Variants in AHNAK observed in about 807,000 individuals in gnomAD.
AHNAK encodes the protein neuroblast differentiation-associated protein AHNAK.
A neutral mutation model predicts 37.8 loss-of-function variants in AHNAK; 23 were observed. That is an observed-to-expected ratio of 0.61 (90% CI 0.44 to 0.86). The LOEUF is 0.86. Among genes scored for constraint, AHNAK ranks in the 40% least tolerant of loss-of-function variants. AHNAK has a pLI of 0.00. For missense variants in AHNAK, 7,411 were observed against 7,319.4 expected (o/e 1.01, Z -0.46); for synonymous variants, 2,481 against 2,636.3 (o/e 0.94, Z 1.80).
intron 1 of AHNAK, chr11:62,537,535 C>T (rs1333288834): frequency 3.9e-5 from 6 of 152,172 alleles, no homozygotes; most frequent in African/African-American, 1.4e-4. Context: ...CCACCACGCC[C>T]AGCATCTACC....
At chr11:62,436,221 T>C (rs1274362116) in intron 5 of AHNAK, among the ~76,000 whole-genome samples, 5 of 152,196 alleles carry the variant, frequency 3.3e-5, no homozygotes, top group East Asian at 1.9e-4. Context: ...GGCTTCCCAA[T>C]TCATGTTTTT....
At chr11:62,465,046 C>T (rs1034154754) in intron 5 of AHNAK, among the ~76,000 whole-genome samples, 2 of 152,096 alleles carry the variant, frequency 1.3e-5, no homozygotes, top group Admixed American at 6.6e-5. Flanking sequence ...CTGTTCCTCC[C>T]GTTTCCTTTG....
intron 5 of AHNAK, among the ~76,000 whole-genome samples, chr11:62,490,824 G>A (rs1197869532): frequency 3.5e-5 from 4 of 115,676 alleles, no homozygotes; most frequent in Admixed American, 1.5e-4. Context: ...TCACTCTGTC[G>A]TCGCCCAGGC....
chr11:62,469,935 C>G (rs1248356972), intron 5 of AHNAK, among the ~76,000 whole-genome samples: 2 of 152,226 alleles, frequency 1.3e-5, no homozygotes, highest in East Asian at 3.9e-4. Flanking sequence ...CAATCATAAA[C>G]CAAAAATCAC....
In AHNAK at chr11:62,536,031, AGCCCGTGGGAGCCACTACCCT is replaced by A; in HGVS notation, c.47_67del (p.Gln16_Gly22del). 1 of 1,611,936 alleles carries A rather than the reference AGCCCGTGGGAGCCACTACCCT, an allele frequency of 6.2e-7. No homozygotes were observed. The highest frequency in any genetic ancestry group is 8.5e-7 in the Non-Finnish European group (1 of 1,178,866). On this transcript the variant is annotated inframe_deletion, in exon 3 of 5. Transcript: ENST00000378024. ...GCCGTCGTCCCTCTGGGCGATGGTC[AGCCCGTGGGAGCCACTACCCT>A]GCCAGTTGGGCAGCAGCAGCTCCCG...
At chr11:62,454,961 C>T (rs1412756793) in intron 5 of AHNAK, among the ~76,000 whole-genome samples, 24 of 141,454 alleles carry the variant, frequency 1.7e-4, no homozygotes, top group African/African-American at 6.2e-4. Flanking sequence ...TGGAGTTTTG[C>T]TCTTTTGCCC....
rs575387682 is a variant in AHNAK, at chr11:62,474,023, G to T, written c.442+17709C>A. On this transcript the variant is annotated intron_variant, in intron 5 of 5. Transcript: ENST00000257247. ...TCAAAAAAAAAAAATAGGTAAGTGA[G>T]GTGACAGACATGTTAATGAGCTTGA... 1.3e-4 allele frequency among the ~76,000 whole-genome samples: 19 copies of T among 151,664 alleles called. No individual in the cohort carries two copies. The South Asian group carries it at 3.7e-3, about 30-fold the overall frequency.
At chr11:62,454,239 C>T (rs1018673142) in intron 5 of AHNAK, among the ~76,000 whole-genome samples, 6 of 151,372 alleles carry the variant, frequency 4.0e-5, no homozygotes, top group Admixed American at 6.6e-5. Context: ...TGGTGAAACC[C>T]GGTCTCTACT....
At chr11:62,436,816 G>A (rs1039477398) in intron 5 of AHNAK, among the ~76,000 whole-genome samples, 23 of 152,094 alleles carry the variant, frequency 1.5e-4, no homozygotes, top group African/African-American at 5.3e-4. Context: ...GCGGGCGCCT[G>A]TAGTCCCAGC....
At chr11:62,506,089 G>A (rs1404320315) in intron 4 of AHNAK, among the ~76,000 whole-genome samples, 2 of 150,520 alleles carry the variant, frequency 1.3e-5, no homozygotes, top group Admixed American at 6.6e-5. Context: ...CACGCCGGTA[G>A]TTCCAGCTAC....
At chr11:62,462,770 A>G (rs1045051302) in intron 5 of AHNAK, among the ~76,000 whole-genome samples, 3 of 152,208 alleles carry the variant, frequency 2.0e-5, no homozygotes, top group African/African-American at 7.2e-5. Flanking sequence ...TCTGGATGTC[A>G]TTGTTAATAG....
At chr11:62,545,062 C>T (rs1041298890) in intron 1 of AHNAK, among the ~76,000 whole-genome samples, 6 of 152,224 alleles carry the variant, frequency 3.9e-5, no homozygotes, top group Admixed American at 3.3e-4. Flanking sequence ...ATCTCGGTCC[C>T]TTTTCCTCCG....
At chr11:62,493,318 T>G (rs1939539797) in intron 4 of AHNAK, among the ~76,000 whole-genome samples, 1 of 138,938 alleles carries the variant, frequency 7.2e-6, no homozygotes, top group Non-Finnish European at 1.5e-5. Flanking sequence ...TCGGCCTGTT[T>G]TCTTTCTTTC....
rs777518092 is a variant in AHNAK, at chr11:62,529,448, C to T, written c.4969G>A (p.Asp1657Asn). ...GGGCCTTTCAAGTGTAAGTCCACAT[C>T]GGGCATGGAGATCTTGGGGGCCTTG... is the stretch of plus-strand genomic sequence containing the variant. ...HFKAPKISMP[D>N]VDLHLKGPKV... The change falls in exon 5 of 5, where the codon GAT becomes AAT. Residue 1657 changes from aspartate to asparagine, a missense_variant. Asp to Asn is a conservative substitution (Grantham distance 23, BLOSUM62 1). Coordinates refer to ENST00000378024, the MANE Select transcript of AHNAK (RefSeq NM_001620.3). 1.2e-5 allele frequency: 20 copies of T among 1,614,066 alleles called. No homozygotes were observed. Among genetic ancestry groups the T allele is most frequent in the Admixed American group, 3.3e-5 (2 of 60,014 alleles).
chr11:62,466,424 T>C (rs924149123), intron 5 of AHNAK, among the ~76,000 whole-genome samples: 1 of 152,080 alleles, frequency 6.6e-6, no homozygotes, highest in Non-Finnish European at 1.5e-5. Flanking sequence ...TTCTTGGCTG[T>C]CTGTTAAGGA....
At chr11:62,465,871 AG>A (rs1386449298) in intron 5 of AHNAK, among the ~76,000 whole-genome samples, 2 of 152,166 alleles carry the variant, frequency 1.3e-5, no homozygotes, top group Non-Finnish European at 2.9e-5. Flanking sequence ...AACCTTTCAG[AG>A]GGAACATGAC....
intron 5 of AHNAK, among the ~76,000 whole-genome samples, chr11:62,459,558 T>C (rs1478308876): frequency 1.3e-5 from 2 of 152,104 alleles, no homozygotes; most frequent in Non-Finnish European, 2.9e-5. Context: ...AGCCCAGAGA[T>C]GAATGCCCCT....
chr11:62,451,647 A>G (rs1004455408), intron 5 of AHNAK, among the ~76,000 whole-genome samples: 3 of 149,484 alleles, frequency 2.0e-5, no homozygotes, highest in Non-Finnish European at 4.4e-5. Flanking sequence ...CTGAGGCAGG[A>G]GAATTGCTTG....
chr11:62,477,296 C>T (rs1939168615), intron 5 of AHNAK, among the ~76,000 whole-genome samples: 1 of 152,074 alleles, frequency 6.6e-6, no homozygotes, highest in Non-Finnish European at 1.5e-5. Flanking sequence ...TGTGTTTGAG[C>T]CTAGTTATAA....
Sources: gnomAD v4.1 joint callset for allele counts (sites outside exome capture counted in the v4.1 genomes callset) on GRCh38, gnomAD v4.1.1 for gene constraint, MANE v1.5 for transcripts, NCBI Gene and HGNC (gene_info 2026-07-23, HGNC 2026-07-21) for gene names.